The following FARSA variants were observed in gnomAD, a reference collection of about 807,000 sequenced individuals.
FARSA encodes the protein phenylalanyl-tRNA synthetase subunit alpha.
Under a neutral mutation model 63.2 loss-of-function variants are expected in FARSA, and 37 were observed. The ratio of observed to expected loss-of-function variants is 0.59; its 90% confidence interval spans 0.45 to 0.77. The LOEUF is 0.77. Among genes scored for constraint, FARSA ranks in the 30% least tolerant of loss-of-function variants. The pLI, the probability that FARSA is intolerant of heterozygous loss-of-function variation, is 0.00. For synonymous variants in FARSA, 312 were observed against 285.1 expected, an observed-to-expected ratio of 1.09 and a Z score of -0.95; for missense variants, 618 against 696.6, an observed-to-expected ratio of 0.89 and a Z score of 1.27.
intron 1 of FARSA, among the ~76,000 whole-genome samples, chr19:12,931,359 G>A (rs2146001302): frequency 6.6e-6 from 1 of 152,190 alleles, no homozygotes; most frequent in Admixed American, 6.5e-5. Flanking sequence ...TGCCTCCCGG[G>A]TTCAAATGAT....
Position 12,924,392 on chromosome 19 carries a change from C to A in FARSA, c.1273+57G>T. ...AGGCATGGCAATGGGGGGACCCAGG[C>A]CAAACCATAGTAGCCTGAGACCTCC... On this transcript the variant is annotated intron_variant, in intron 11 of 12. Transcript: ENST00000314606. This position sits in a 1 kb window ranked among gnomAD's most constrained non-coding sequence, Gnocchi z 6.4. The A allele has an allele frequency of 6.3e-7, 1 of 1,593,668 alleles. No individual in the cohort carries two copies. Among genetic ancestry groups the A allele is most frequent in the South Asian group, 1.1e-5 (1 of 90,710 alleles).
At chr19:12,930,393 G>A (rs545354691) in intron 3 of FARSA, 36 bp downstream of exon 3, 17 of 1,612,594 alleles carry the variant, frequency 1.1e-5, no homozygotes, top group South Asian at 5.5e-5. Context: ...CCATGTGCCC[G>A]TCCACCTGCC....
chr19:12,923,913 G>A (rs570949643), intron 12 of FARSA, among the ~76,000 whole-genome samples: 1 of 152,350 alleles, frequency 6.6e-6, no homozygotes, highest in Admixed American at 6.5e-5. Context: ...CGCCTGGCCT[G>A]ATGTACTTGT....
chr19:12,926,662 A>G (rs1971331094), intron 7 of FARSA, among the ~76,000 whole-genome samples: 3 of 152,080 alleles, frequency 2.0e-5, no homozygotes, highest in Admixed American at 2.0e-4. Flanking sequence ...AGGCTCAAGC[A>G]ATCCTTCACC....
Position 12,922,673 on chromosome 19 carries a change from G to C in FARSA, c.*75C>G. On this transcript the variant is annotated 3_prime_UTR_variant, in exon 13 of 13. Transcript: ENST00000314606. ...CCTCACAGAGGCCTCATAAATACAA[G>C]GTCACTGGCCAGGGATGCAAAGGAG... The C allele has an allele frequency of 6.3e-7, 1 of 1,582,220 alleles. No individual in the cohort carries two copies. Among genetic ancestry groups the C allele is most frequent in the East Asian group, 2.2e-5 (1 of 44,654 alleles).
chr19:12,931,438 A>G (rs2146001385), intron 1 of FARSA, among the ~76,000 whole-genome samples: 1 of 151,972 alleles, frequency 6.6e-6, no homozygotes, highest in South Asian at 2.1e-4. Context: ...TAATTTTTGT[A>G]TTTTTAGTAG....
At chr19:12,923,729 T>C (rs2009222) in intron 12 of FARSA, among the ~76,000 whole-genome samples, 98,410 of 152,170 alleles carry the variant, frequency 0.65, 32,134 homozygotes, top group East Asian at 0.84. Context: ...ATGCACCTGC[T>C]TCAGCCACCC....
intron 7 of FARSA, among the ~76,000 whole-genome samples, chr19:12,926,726 T>C (rs917069732): frequency 1.3e-5 from 2 of 152,054 alleles, no homozygotes; most frequent in African/African-American, 2.4e-5. Context: ...CCCAGCTAAT[T>C]TTATTTGTAC....
At chr19:12,928,913 G>A (rs891251094) in intron 4 of FARSA, 66 bp from the exon 5 acceptor site, 75 of 1,379,924 alleles carry the variant, frequency 5.4e-5, no homozygotes, top group Non-Finnish European at 6.0e-5. Context: ...TTGATCTCCC[G>A]TCTGATGAGG....
chr19:12,932,036 A>ATTT (rs35705523), intron 1 of FARSA, among the ~76,000 whole-genome samples: 31 of 132,468 alleles, frequency 2.3e-4, no homozygotes, highest in East Asian at 4.4e-4. Context: ...CACTGCATAA[A>ATTT]TTTTTTTTTT....
intron 5 of FARSA, 30 bp from the exon 6 acceptor site, chr19:12,928,693 G>A (rs375552143): frequency 1.2e-6 from 2 of 1,613,486 alleles, no homozygotes; most frequent in Non-Finnish European, 8.5e-7. Context: ...CCTGGTAAGG[G>A]CTGCCCGCCC....
At chr19:12,928,686 G>A (rs761052563) in intron 5 of FARSA, 23 bp from the exon 6 acceptor site, 3 of 1,613,494 alleles carry the variant, frequency 1.9e-6, no homozygotes, top group Non-Finnish European at 2.5e-6. Context: ...GCAAGGGCCT[G>A]GTAAGGGCTG....
chr19:12,926,509 G>A (rs551911720), intron 7 of FARSA, among the ~76,000 whole-genome samples: 16 of 143,284 alleles, frequency 1.1e-4, no homozygotes, highest in Non-Finnish European at 2.1e-4. Flanking sequence ...TCCTGACCTC[G>A]CGATCCGCCC....
chr19:12,927,347 C>A (rs1189344181), intron 7 of FARSA, among the ~76,000 whole-genome samples: 2 of 152,196 alleles, frequency 1.3e-5, no homozygotes, highest in Non-Finnish European at 2.9e-5. Flanking sequence ...TGCCTGTAAT[C>A]CCAGCACTTT....
At chr19:12,928,122 T>G (rs993917553) in intron 7 of FARSA, among the ~76,000 whole-genome samples, 4 of 151,930 alleles carry the variant, frequency 2.6e-5, no homozygotes, top group Non-Finnish European at 5.9e-5. Context: ...TCAATTAATT[T>G]TTTTAGAGGT....
rs747259578 is a variant in FARSA, at chr19:12,924,296, T to C, written c.1274-31A>G. On this transcript the variant is annotated intron_variant, in intron 11 of 12. Coordinates refer to ENST00000314606, the MANE Select transcript of FARSA (RefSeq NM_004461.3). This position sits in a 1 kb window ranked among gnomAD's most constrained non-coding sequence, Gnocchi z 6.4. Reference sequence around the variant, plus strand: ...GAGGCAGGACAGAAAAGACGGGCAGTGCGTGTTGAGTTTCTGGGCACTGCT... The same window carrying C: ...GAGGCAGGACAGAAAAGACGGGCAGCGCGTGTTGAGTTTCTGGGCACTGCT... 3.8e-6 allele frequency: 6 copies of C among 1,598,424 alleles called. No homozygotes were observed. In the South Asian group the frequency reaches 5.5e-5, roughly 15 times the overall value.
At chr19:12,925,344 T>TTG (rs1011550098) in intron 7 of FARSA, among the ~76,000 whole-genome samples, 170 bp from the exon 8 acceptor site, 18 of 151,944 alleles carry the variant, frequency 1.2e-4, no homozygotes, top group African/African-American at 4.1e-4. Flanking sequence ...GTTTTCTCAT[T>TTG]TGTGTGTGGC....
At chr19:12,929,890 T>C (rs1222887638) in intron 4 of FARSA, among the ~76,000 whole-genome samples, 2 of 151,902 alleles carry the variant, frequency 1.3e-5, no homozygotes, top group African/African-American at 4.8e-5. Flanking sequence ...GTGAAAGAAA[T>C]GAACAAGCAC....
chr19:12,927,322 G>A (rs1364667564), intron 7 of FARSA, among the ~76,000 whole-genome samples: 1 of 152,230 alleles, frequency 6.6e-6, no homozygotes, highest in Admixed American at 6.5e-5. Flanking sequence ...GGGGCAGGCA[G>A]GGTGTGGGGG....
Sources: gnomAD v4.1 joint callset for allele counts (sites outside exome capture counted in the v4.1 genomes callset) on GRCh38, gnomAD v4.1.1 for gene constraint, Gnocchi (gnomAD v3.1) non-coding constraint, MANE v1.5 for transcripts, NCBI Gene and HGNC (gene_info 2026-07-23, HGNC 2026-07-21) for gene names.